Variants in ST18 observed in about 807,000 individuals in gnomAD.
ST18 encodes the protein suppression of tumorigenicity 18 protein.
A neutral mutation model predicts 110.0 loss-of-function variants in ST18; 50 were observed. That is an observed-to-expected ratio of 0.45 (90% CI 0.36 to 0.58). The LOEUF (loss-of-function observed/expected upper bound fraction) is 0.58. Among genes scored for constraint, ST18 ranks in the 20% least tolerant of loss-of-function variants. The probability of loss-of-function intolerance (pLI) is 0.00; values close to 1 mark genes in which losing one functional copy is unlikely to be tolerated. For missense variants in ST18, 1,306 were observed against 1,280.1 expected (o/e 1.02, Z -0.31); for synonymous variants, 461 against 452.4 (o/e 1.02, Z -0.24).
At chr8:52,386,276 A>G (rs936732065) in intron 2 of ST18, among the ~76,000 whole-genome samples, 1 of 152,210 alleles carries the variant, frequency 6.6e-6, no homozygotes, top group Non-Finnish European at 1.5e-5. Flanking sequence ...AAAGTAAGAA[A>G]TGCACTAGTA....
chr8:52,213,959 C>T (rs1201801153), intron 7 of ST18, among the ~76,000 whole-genome samples: 1 of 152,176 alleles, frequency 6.6e-6, no homozygotes, highest in African/African-American at 2.4e-5. Flanking sequence ...TGTTCAAATC[C>T]ACTCATGATT....
intron 16 of ST18, among the ~76,000 whole-genome samples, chr8:52,143,793 A>G (rs1563664475): frequency 6.6e-6 from 1 of 152,230 alleles, no homozygotes; most frequent in African/African-American, 2.4e-5. Flanking sequence ...AAACTTTTAG[A>G]CAGAAAAGGG....
chr8:52,373,606 C>A (rs150099891), intron 2 of ST18, among the ~76,000 whole-genome samples: 105 of 152,238 alleles, frequency 6.9e-4, no homozygotes, highest in African/African-American at 2.5e-3. Flanking sequence ...CCAATACCCC[C>A]ACCCCAAACC....
chr8:52,334,348 C>T (rs1277278670), intron 2 of ST18, among the ~76,000 whole-genome samples: 1 of 152,148 alleles, frequency 6.6e-6, no homozygotes, highest in Non-Finnish European at 1.5e-5. Flanking sequence ...AAAATTATTT[C>T]ACCTGATTTA....
intron 2 of ST18, among the ~76,000 whole-genome samples, chr8:52,400,272 C>T (rs544990032): frequency 6.6e-5 from 10 of 152,194 alleles, no homozygotes; most frequent in South Asian, 2.1e-4. Context: ...TTTTCACTCC[C>T]TTCACTTTCA....
At chr8:52,268,917 C>T (rs751375507) in intron 2 of ST18, among the ~76,000 whole-genome samples, 4 of 152,214 alleles carry the variant, frequency 2.6e-5, no homozygotes, top group African/African-American at 9.6e-5. Context: ...TGAGGTCAGA[C>T]TGAATGTTTG....
intron 24 of ST18, among the ~76,000 whole-genome samples, chr8:52,117,348 C>T (rs2042922777): frequency 6.6e-6 from 1 of 152,118 alleles, no homozygotes; most frequent in South Asian, 2.1e-4. Context: ...GCTGGTGGTC[C>T]TATTTAGTAT....
At chr8:52,201,754 G>A (rs959029762) in intron 8 of ST18, among the ~76,000 whole-genome samples, 5 of 152,182 alleles carry the variant, frequency 3.3e-5, no homozygotes, top group African/African-American at 1.2e-4. Context: ...TGCAGTCTGA[G>A]ACCACGCCCG....
intron 8 of ST18, among the ~76,000 whole-genome samples, chr8:52,197,209 A>T (rs2076451196): frequency 6.6e-6 from 1 of 152,242 alleles, no homozygotes; most frequent in Non-Finnish European, 1.5e-5. Flanking sequence ...AAACAAAAAT[A>T]ACAAAGGCAA....
intron 2 of ST18, among the ~76,000 whole-genome samples, chr8:52,387,972 C>T (rs1258075941): frequency 6.6e-6 from 1 of 151,062 alleles, no homozygotes; most frequent in East Asian, 2.0e-4. Flanking sequence ...CCGCCCCACG[C>T]CGGGCACTAT....
Position 52,172,200 on chromosome 8 carries a change from A to G in ST18, c.661T>C (p.Tyr221His). 1.2e-6 allele frequency: 2 copies of G among 1,614,128 alleles called. No homozygotes were observed. Among genetic ancestry groups the G allele is most frequent in the Non-Finnish European group, 1.7e-6 (2 of 1,180,016 alleles). The change falls in exon 10 of 26, where the codon TAT (tyrosine) becomes CAT (histidine). Residue 221 changes from tyrosine to histidine, a missense_variant. Physicochemically the swap from Tyr to His is moderately conservative, Grantham distance 83. Coordinates refer to ENST00000689386, the MANE Select transcript of ST18 (RefSeq NM_001352837.2). ...TCTTTTTTATGATCTGTTAAAACAT[A>G]CTTTGGGACTCTAGGTGGTTTGGTT... Reference protein sequence around the residue: ...EETKPPRVPKYVLTDHKKDLL... With the variant: ...EETKPPRVPKHVLTDHKKDLL...
intron 2 of ST18, among the ~76,000 whole-genome samples, chr8:52,355,835 C>T (rs552616093): frequency 1.3e-5 from 2 of 152,272 alleles, no homozygotes; most frequent in Admixed American, 6.5e-5. Flanking sequence ...TTTGATCTGT[C>T]GAGTAGCTCC....
At chr8:52,376,670 C>T (rs143020069) in intron 2 of ST18, among the ~76,000 whole-genome samples, 2 of 152,296 alleles carry the variant, frequency 1.3e-5, no homozygotes, top group African/African-American at 2.4e-5. Flanking sequence ...TCTTTGTCTC[C>T]TTCACTCATT....
At chr8:52,120,307 G>T (rs1162510728) in intron 23 of ST18, among the ~76,000 whole-genome samples, 1 of 152,166 alleles carries the variant, frequency 6.6e-6, no homozygotes, top group African/African-American at 2.4e-5. Flanking sequence ...AAATTTCTTT[G>T]ACATATTGTT....
intron 2 of ST18, among the ~76,000 whole-genome samples, chr8:52,350,424 C>T (rs1360598817): frequency 2.0e-5 from 3 of 152,046 alleles, no homozygotes; most frequent in East Asian, 1.9e-4. Context: ...ACAGCAGAGA[C>T]ACCCACAGCT....
At position 52,338,508 on chromosome 8, in the gene ST18, C is replaced by T. The variant is rs558651871; in HGVS notation, c.-465+70820G>A. ...GGTACATCTCAGTTCACTGCAGCCTCGACCTCCTGGGCACAGGTGATCCTC... is the reference window on the plus strand; with the variant it reads ...GGTACATCTCAGTTCACTGCAGCCTTGACCTCCTGGGCACAGGTGATCCTC... On this transcript the variant is annotated intron_variant, in intron 2 of 25. Coordinates refer to ENST00000689386, the MANE Select transcript of ST18 (RefSeq NM_001352837.2). Among the ~76,000 whole-genome samples, 19 of 152,242 alleles carry T rather than the reference C, an allele frequency of 1.2e-4. 1 individual carries two copies. In the South Asian group the frequency reaches 2.7e-3, roughly 22 times the overall value.
intron 8 of ST18, among the ~76,000 whole-genome samples, chr8:52,187,860 A>G (rs1386993000): frequency 1.3e-5 from 2 of 152,238 alleles, no homozygotes; most frequent in Non-Finnish European, 2.9e-5. Flanking sequence ...TTTCTAAAAC[A>G]ATTGCAATCT....
chr8:52,208,617 G>A (rs1174435905), intron 8 of ST18, among the ~76,000 whole-genome samples: 1 of 152,176 alleles, frequency 6.6e-6, no homozygotes, highest in Admixed American at 6.5e-5. Flanking sequence ...ACGAGGTCAG[G>A]AGATTGAGAC....
intron 3 of ST18, among the ~76,000 whole-genome samples, chr8:52,223,049 C>T (rs562361361): frequency 6.6e-6 from 1 of 152,278 alleles, no homozygotes; most frequent in Admixed American, 6.5e-5. Context: ...CTAAAGTGTG[C>T]TCTCTGATGA....
Sources: allele counts gnomAD v4.1 joint callset (sites outside exome capture counted in the v4.1 genomes callset), GRCh38; gene constraint gnomAD v4.1.1; transcripts MANE v1.5; gene names NCBI Gene and HGNC (gene_info 2026-07-23, HGNC 2026-07-21).